Variants in DOCK2 observed in about 807,000 individuals in gnomAD.
DOCK2 encodes the protein dedicator of cytokinesis 2, also known as dedicator of cytokinesis protein 2.
In DOCK2, 87 loss-of-function variants were observed where a neutral mutation model predicts 248.9. That is an observed-to-expected ratio of 0.35 (90% CI 0.29 to 0.42). The LOEUF (loss-of-function observed/expected upper bound fraction) is 0.42, where lower values mean the gene tolerates loss of function less well. Ranked by LOEUF, DOCK2 falls within the 10% of genes least tolerant of loss-of-function variation. DOCK2 has a pLI of 1.00. For synonymous variants in DOCK2, 805 were observed against 821.6 expected (o/e 0.98, Z 0.35); for missense variants, 1,747 against 2,300.2 (o/e 0.76, Z 4.92).
chr5:169,946,626 A>G (rs1415239901), intron 27 of DOCK2, among the ~76,000 whole-genome samples: 1 of 152,196 alleles, frequency 6.6e-6, no homozygotes, highest in Non-Finnish European at 1.5e-5. Context: ...CTCATTGTGT[A>G]TCAGCCACTG....
intron 27 of DOCK2, chr5:169,864,520 A>G (rs1771413640): frequency 2.3e-6 from 3 of 1,276,658 alleles, no homozygotes; most frequent in Non-Finnish European, 3.2e-6. Context: ...CTGATTAAGC[A>G]TCTCTCAGCC....
rs141128252 is a variant in DOCK2, at chr5:169,965,994, T to C, written c.2800-17074T>C. Among the ~76,000 whole-genome samples the C allele has an allele frequency of 1.6e-3, 240 of 152,240 alleles. 2 individuals are homozygous for C. The highest frequency in any genetic ancestry group is 5.5e-3 in the African/African-American group (229 of 41,566). The stretch of plus-strand genomic sequence containing the variant: ...GGACCTTGGAGACTCAAAGGAGACC[T>C]AGGTTTCCCTAGGATGAACCAGGGA... On this transcript the variant is annotated intron_variant, in intron 27 of 51. Coordinates refer to ENST00000520908, the MANE Select transcript of DOCK2 (RefSeq NM_004946.3).
intron 27 of DOCK2, among the ~76,000 whole-genome samples, chr5:169,972,591 G>C (rs1304287859): frequency 2.4e-5 from 3 of 126,800 alleles, no homozygotes; most frequent in Non-Finnish European, 4.9e-5. Context: ...ATAGATGATA[G>C]ATAGATAGAT....
At chr5:169,816,898 T>G (rs1468394759) in intron 26 of DOCK2, among the ~76,000 whole-genome samples, 2 of 152,168 alleles carry the variant, frequency 1.3e-5, no homozygotes. Flanking sequence ...AGTCACCCTG[T>G]TTTTCTCCCT....
chr5:170,017,745 T>A (rs1755584115), intron 32 of DOCK2, among the ~76,000 whole-genome samples: 1 of 152,208 alleles, frequency 6.6e-6, no homozygotes, highest in Non-Finnish European at 1.5e-5. Flanking sequence ...ATTACACAGC[T>A]GTAATTGATA....
intron 7 of DOCK2, among the ~76,000 whole-genome samples, 187 bp from the exon 8 acceptor site, chr5:169,684,009 A>G (rs1759816996): frequency 6.6e-6 from 1 of 152,230 alleles, no homozygotes; most frequent in East Asian, 1.9e-4. Context: ...ATTTCCCAAG[A>G]TAGAAAAATA....
At position 169,765,951 on chromosome 5, in the gene DOCK2, C is replaced by T. The variant is rs184991994; in HGVS notation, c.2554+4326C>T. ...TCACAGTGTACAAGGGGCTGGACAA[C>T]GGTTGGGGAAAAGAGGGATGGAAAT... On this transcript the variant is annotated intron_variant, in intron 25 of 51. Transcript: ENST00000520908. 3.4e-4 allele frequency among the ~76,000 whole-genome samples: 51 copies of T among 152,236 alleles called. No homozygotes were observed. In the East Asian group the frequency reaches 4.2e-3, roughly 13 times the overall value.
intron 36 of DOCK2, among the ~76,000 whole-genome samples, chr5:170,039,821 A>G: frequency 6.6e-6 from 1 of 152,228 alleles, no homozygotes; most frequent in South Asian, 2.1e-4. Context: ...TCAGGGTAGA[A>G]TGCTGGCACC....
intron 26 of DOCK2, 32 bp from the exon 27 acceptor site, chr5:169,840,725 T>G (rs771279569): frequency 1.2e-6 from 2 of 1,604,184 alleles, no homozygotes; most frequent in South Asian, 2.2e-5. Flanking sequence ...AGTGTCCTGG[T>G]TGTCACATAG....
chr5:169,721,029 C>T (rs183239318), intron 22 of DOCK2, among the ~76,000 whole-genome samples: 328 of 152,072 alleles, frequency 2.2e-3, no homozygotes, highest in Middle Eastern at 3.4e-3. Context: ...GCCAGTATAA[C>T]TCTCTCATGT....
intron 27 of DOCK2, among the ~76,000 whole-genome samples, chr5:169,889,932 C>G (rs529562593): frequency 6.6e-6 from 1 of 152,180 alleles, no homozygotes; most frequent in South Asian, 2.1e-4. Flanking sequence ...GACACATTGC[C>G]GTGTCCCTTC....
At chr5:170,046,558 G>T (rs756771631) in intron 39 of DOCK2, among the ~76,000 whole-genome samples, 3 of 152,198 alleles carry the variant, frequency 2.0e-5, no homozygotes, top group African/African-American at 4.8e-5. Flanking sequence ...GACTTACAGA[G>T]TCAGAATGTT....
At chr5:170,057,283 C>T in intron 43 of DOCK2, 2 of 439,526 alleles carry the variant, frequency 4.6e-6, no homozygotes, top group South Asian at 4.3e-5. Context: ...CACTGGGAAC[C>T]CTTCCCCGAG....
At chr5:169,933,401 C>T (rs1775847811) in intron 27 of DOCK2, among the ~76,000 whole-genome samples, 1 of 152,202 alleles carries the variant, frequency 6.6e-6, no homozygotes, top group African/African-American at 2.4e-5. Context: ...CAAGGTCCTT[C>T]TAATGTGAAG....
At chr5:169,703,306 G>A (rs1459261502) in intron 14 of DOCK2, among the ~76,000 whole-genome samples, 1 of 152,194 alleles carries the variant, frequency 6.6e-6, no homozygotes, top group Non-Finnish European at 1.5e-5. Context: ...CTGATACTTT[G>A]TACCCAAGAA....
chr5:169,982,119 C>T (rs1435494332), intron 27 of DOCK2, among the ~76,000 whole-genome samples: 1 of 147,830 alleles, frequency 6.8e-6, no homozygotes, highest in Non-Finnish European at 1.5e-5. Context: ...AGGCCATCTT[C>T]CACAAGCCCG....
At chr5:170,066,550 A>G (rs1561906255) in intron 44 of DOCK2, among the ~76,000 whole-genome samples, 1 of 152,242 alleles carries the variant, frequency 6.6e-6, no homozygotes, top group Non-Finnish European at 1.5e-5. Flanking sequence ...TAATGGACCT[A>G]ACAGACATAT....
intron 40 of DOCK2, among the ~76,000 whole-genome samples, chr5:170,047,931 G>A (rs557035094): frequency 6.6e-6 from 1 of 152,318 alleles, no homozygotes; most frequent in East Asian, 1.9e-4. Flanking sequence ...AGGAGTTACT[G>A]TAGAGCAGTC....
At chr5:169,836,681 G>C (rs149565230) in intron 26 of DOCK2, among the ~76,000 whole-genome samples, 2 of 146,346 alleles carry the variant, frequency 1.4e-5, no homozygotes, top group Non-Finnish European at 3.1e-5. Context: ...ATGTCATTAA[G>C]TTCTAAGTAG....
Sources: allele counts gnomAD v4.1 joint callset (sites outside exome capture counted in the v4.1 genomes callset), GRCh38; gene constraint gnomAD v4.1.1; transcripts MANE v1.5; gene names NCBI Gene and HGNC (gene_info 2026-07-23, HGNC 2026-07-21).